PRKCZ: variants seen among roughly 807,000 people sequenced by gnomAD.
The protein encoded by PRKCZ is protein kinase C zeta, also known as protein kinase C zeta type.
PRKCZ carries 33 observed loss-of-function variants against 79.5 expected under a neutral mutation model. The observed-to-expected ratio is 0.41, with a 90% CI of 0.31 to 0.55. The LOEUF is 0.55. Among genes scored for constraint, PRKCZ ranks in the 20% least tolerant of loss-of-function variants. PRKCZ has a pLI of 0.19. For missense variants in PRKCZ, 578 were observed against 813.5 expected (o/e 0.71, Z 3.52); for synonymous variants, 342 against 320.9 (o/e 1.07, Z -0.70).
intron 5 of PRKCZ, among the ~76,000 whole-genome samples, chr1:2,138,242 C>T (rs3753242): frequency 0.084 from 12,726 of 152,246 alleles, 1,373 homozygotes; most frequent in East Asian, 0.59. Flanking sequence ...GTTGGTGAAG[C>T]GAGGATGAAA....
chr1:2,131,009 C>G (rs991970608), intron 4 of PRKCZ, among the ~76,000 whole-genome samples: 4 of 152,222 alleles, frequency 2.6e-5, no homozygotes, highest in African/African-American at 9.6e-5. Flanking sequence ...GCAGTGCCAG[C>G]ACACTTGGCC....
At chr1:2,064,571 A>G (rs1660967250) in intron 4 of PRKCZ, among the ~76,000 whole-genome samples, 1 of 152,186 alleles carries the variant, frequency 6.6e-6, no homozygotes, top group Admixed American at 6.5e-5. Flanking sequence ...ATCTAACTTC[A>G]TTCCTTTGCA....
chr1:2,132,089 G>T (rs192843158), intron 4 of PRKCZ, among the ~76,000 whole-genome samples: 2 of 152,334 alleles, frequency 1.3e-5, no homozygotes, highest in South Asian at 2.1e-4. Context: ...GGGATTACAG[G>T]CGGGAGCCAC....
chr1:2,091,283 C>T (rs558363115), intron 4 of PRKCZ, among the ~76,000 whole-genome samples: 11 of 152,280 alleles, frequency 7.2e-5, no homozygotes, highest in South Asian at 2.1e-4. Context: ...GTGATCTGCC[C>T]GTCTTGGCCT....
At position 2,172,517 on chromosome 1, in the gene PRKCZ, C is replaced by T. The variant is rs1192011745; in HGVS notation, c.1285+129C>T. ...AAAAGCCACACACTGTCTTTCCCAG[C>T]CGGATGTCATCATCTGGCCTCAGCC... is the stretch of plus-strand genomic sequence containing the variant. On this transcript the variant is annotated intron_variant, in intron 13 of 17. Coordinates refer to ENST00000378567, the MANE Select transcript of PRKCZ (RefSeq NM_002744.6). The surrounding 1 kb of genome is among the most constrained non-coding windows in gnomAD (Gnocchi z 7.8). 2 of 1,071,974 alleles carry T rather than the reference C, an allele frequency of 1.9e-6. No individual in the cohort carries two copies. Among genetic ancestry groups the T allele is most frequent in the African/African-American group, 3.2e-5 (2 of 62,326 alleles). The allele number at this position is 1,071,974 out of a possible 1,614,324, so 66.4% of individuals were successfully genotyped here.
intron 4 of PRKCZ, chr1:2,104,756 TGGCCTGC>T (rs1415142964): frequency 4.1e-6 from 4 of 985,650 alleles, no homozygotes; most frequent in Non-Finnish European, 3.6e-6. Context: ...CGCAGCGGGC[TGGCCTGC>T]GGGGCTCACT....
intron 4 of PRKCZ, among the ~76,000 whole-genome samples, chr1:2,130,201 T>A (rs1314107414): frequency 2.0e-5 from 3 of 152,208 alleles, no homozygotes; most frequent in Non-Finnish European, 2.9e-5. Flanking sequence ...CCGCCACGCC[T>A]GGCCAAAAGG....
chr1:2,091,539 T>G (rs562407787), intron 4 of PRKCZ, among the ~76,000 whole-genome samples: 1 of 152,194 alleles, frequency 6.6e-6, no homozygotes, highest in South Asian at 2.1e-4. Flanking sequence ...CTCCCGACTT[T>G]CTGTTCCTGG....
intron 10 of PRKCZ, among the ~76,000 whole-genome samples, chr1:2,164,074 T>C (rs1357866924): frequency 6.6e-6 from 1 of 152,228 alleles, no homozygotes; most frequent in Non-Finnish European, 1.5e-5. Flanking sequence ...CCGTGCCCTG[T>C]CTTAGTGTGC....
chr1:2,141,148 CAAG>C (rs1677227438), intron 5 of PRKCZ: 1 of 151,998 alleles, frequency 6.6e-6, no homozygotes, highest in Non-Finnish European at 1.5e-5. Flanking sequence ...AGATTTGAAA[CAAG>C]AGCTTTTGAC....
chr1:2,124,782 A>G (rs1673542039), intron 4 of PRKCZ, among the ~76,000 whole-genome samples: 1 of 150,674 alleles, frequency 6.6e-6, no homozygotes, highest in South Asian at 2.1e-4. Context: ...GGGTCAGCAG[A>G]CGCCGTGCAT....
Position 2,144,384 on chromosome 1 carries a change from T to C in PRKCZ, c.552+43T>C, listed in dbSNP as rs951663298. On this transcript the variant is annotated intron_variant, in intron 6 of 17. Coordinates refer to ENST00000378567, the MANE Select transcript of PRKCZ (RefSeq NM_002744.6). Reference sequence around the variant, plus strand: ...GGAGGCCCGGGGGGCACGGGCGGGGTCGGGGCGTGGCAGCCAGCCCATTGT... The same window carrying C: ...GGAGGCCCGGGGGGCACGGGCGGGGCCGGGGCGTGGCAGCCAGCCCATTGT... 1.2e-5 allele frequency: 19 copies of C among 1,544,458 alleles called. 1 individual carries two copies. In the Admixed American group the frequency reaches 3.0e-4, roughly 24 times the overall value.
chr1:2,162,561 C>A (rs1056135060), intron 10 of PRKCZ, among the ~76,000 whole-genome samples: 4 of 152,204 alleles, frequency 2.6e-5, no homozygotes, highest in African/African-American at 9.6e-5. Flanking sequence ...CATCCTCTTT[C>A]AGGAGACTCT....
chr1:2,101,683 G>A (rs913117434), intron 4 of PRKCZ, among the ~76,000 whole-genome samples: 2 of 152,138 alleles, frequency 1.3e-5, no homozygotes, highest in African/African-American at 4.8e-5. Flanking sequence ...CTCCCCTGGG[G>A]GTTTGCGAAG....
intron 10 of PRKCZ, among the ~76,000 whole-genome samples, chr1:2,163,830 C>T (rs942248743): frequency 3.3e-5 from 5 of 151,736 alleles, no homozygotes; most frequent in Admixed American, 6.6e-5. Context: ...ACCCGGGAGG[C>T]GGAGCTTGCA....
chr1:2,161,804 C>T (rs1031144547), intron 10 of PRKCZ, among the ~76,000 whole-genome samples: 1 of 152,046 alleles, frequency 6.6e-6, no homozygotes, highest in African/African-American at 2.4e-5. Context: ...CTGCATGGTT[C>T]CCAGGATGAG....
chr1:2,166,756 C>CTG (rs756298978), intron 10 of PRKCZ, among the ~76,000 whole-genome samples: 9 of 152,222 alleles, frequency 5.9e-5, no homozygotes, highest in Non-Finnish European at 8.8e-5. Flanking sequence ...CACCCCCAGG[C>CTG]TGTGCTTCCC....
At position 2,140,482 on chromosome 1, in the gene PRKCZ, G is replaced by T. The variant is rs1036377543; in HGVS notation, c.421-3728G>T. ...AGCCTGGTCAACATAGTGAAACACTGTCTCTACTAAAAATACAACAAAAAT... is the reference window on the plus strand; with the variant it reads ...AGCCTGGTCAACATAGTGAAACACTTTCTCTACTAAAAATACAACAAAAAT... On this transcript the variant is annotated intron_variant, in intron 5 of 17. Transcript: ENST00000378567. Among the ~76,000 whole-genome samples the T allele has an allele frequency of 6.6e-5, 10 of 152,208 alleles. No individual in the cohort carries two copies. The South Asian group carries it at 1.0e-3, about 16-fold the overall frequency.
chr1:2,178,048 C>T lies in PRKCZ; in HGVS notation c.1575+2735C>T, dbSNP rs1685818538. On this transcript the variant is annotated intron_variant, in intron 16 of 17. Transcript: ENST00000378567. The surrounding 1 kb of genome is among the most constrained non-coding windows in gnomAD (Gnocchi z 4.3). ...GTCCTCAGCAGGGTTGGTGTGGGGT[C>T]ACCACCACCCCCATGTGACCTTGGC... Among the ~76,000 whole-genome samples, 1 of 152,194 alleles carries T rather than the reference C, an allele frequency of 6.6e-6. No homozygotes were observed.
Sources: allele counts gnomAD v4.1 joint callset (sites outside exome capture counted in the v4.1 genomes callset), GRCh38; gene constraint gnomAD v4.1.1; non-coding constraint Gnocchi (gnomAD v3.1); transcripts MANE v1.5; gene names NCBI Gene and HGNC (gene_info 2026-07-23, HGNC 2026-07-21).